Variants in MBP observed in about 807,000 individuals in gnomAD.
The protein encoded by MBP is myelin basic protein, also known as Golli-MBP.
MBP carries 16 observed loss-of-function variants against 35.8 expected under a neutral mutation model. That is an observed-to-expected ratio of 0.45 (90% CI 0.30 to 0.68). The LOEUF (loss-of-function observed/expected upper bound fraction) is 0.68. MBP is among the 30% of genes least tolerant of loss of function. The probability of loss-of-function intolerance (pLI) is 0.08; values close to 1 mark genes in which losing one functional copy is unlikely to be tolerated. For synonymous variants in MBP, 143 were observed against 159.6 expected (o/e 0.90, Z 0.78); for missense variants, 380 against 404.7 (o/e 0.94, Z 0.52).
At position 77,111,801 on chromosome 18, in the gene MBP, A is replaced by C. The variant is rs539486121; in HGVS notation, c.-25-6515T>G. ...TAGAACACGGACAGTGACAGCCTCA[A>C]GTCGGAGGGGCAGGCCCTATAACTC... On this transcript the variant is annotated intron_variant, in intron 1 of 8. Coordinates refer to ENST00000355994, the MANE Select transcript of MBP (RefSeq NM_001025101.2). 2.6e-5 allele frequency among the ~76,000 whole-genome samples: 4 copies of C among 152,364 alleles called. No homozygotes were observed. In the South Asian group the frequency reaches 6.2e-4, roughly 24 times the overall value.
intron 3 of MBP, among the ~76,000 whole-genome samples, chr18:77,034,649 C>T (rs1310702313): frequency 6.6e-6 from 1 of 152,198 alleles, no homozygotes; most frequent in African/African-American, 2.4e-5. Flanking sequence ...ACAGTCCCTG[C>T]CCTCATTTTG....
intron 2 of MBP, among the ~76,000 whole-genome samples, chr18:77,098,168 C>CTT (rs3214873): frequency 0.52 from 56,466 of 108,290 alleles, 17,207 homozygotes; most frequent in South Asian, 0.69. Context: ...CAAGGACTTC[C>CTT]TTTTTTTTTT....
chr18:76,986,833 A>T (rs1969585013), intron 7 of MBP: 1 of 985,358 alleles, frequency 1.0e-6, no homozygotes, highest in African/African-American at 1.7e-5. Context: ...TGACTTTCAG[A>T]TTAACAATCT....
At chr18:77,089,315 T>C (rs1379943411) in intron 2 of MBP, among the ~76,000 whole-genome samples, 3 of 152,238 alleles carry the variant, frequency 2.0e-5, no homozygotes, top group African/African-American at 4.8e-5. Context: ...GCCATTTCCA[T>C]GGCCCCAGGG....
chr18:77,045,002 C>T lies in MBP; in HGVS notation c.139+21296G>A, dbSNP rs73486827. ...GTGTGTGAGTGTTCAAGATTCCCTA[C>T]ATAACGGGATACACACAGATGTACT... On this transcript the variant is annotated intron_variant, in intron 3 of 8. Coordinates refer to ENST00000355994, the MANE Select transcript of MBP (RefSeq NM_001025101.2). Among the ~76,000 whole-genome samples, 903 of 151,446 alleles carry T rather than the reference C, an allele frequency of 6.0e-3. 14 individuals are homozygous for T. Among genetic ancestry groups the T allele is most frequent in the African/African-American group, 0.021 (853 of 41,196 alleles).
intron 1 of MBP, among the ~76,000 whole-genome samples, chr18:77,118,421 C>T (rs940790722): frequency 2.0e-5 from 3 of 151,962 alleles, no homozygotes; most frequent in African/African-American, 7.3e-5. Context: ...TTAGCACAGT[C>T]GGCCATGATC....
At chr18:77,104,291 G>A (rs576573713) in intron 2 of MBP, among the ~76,000 whole-genome samples, 2 of 152,304 alleles carry the variant, frequency 1.3e-5, no homozygotes, top group Non-Finnish European at 2.9e-5. Context: ...AAATGCCCAC[G>A]TCTGCATTGG....
At chr18:77,088,116 C>G (rs1451437025) in intron 2 of MBP, among the ~76,000 whole-genome samples, 1 of 152,188 alleles carries the variant, frequency 6.6e-6, no homozygotes, top group African/African-American at 2.4e-5. Context: ...GCATGGCCAC[C>G]TGGCCTCCGG....
chr18:76,997,882 C>T (rs1374979810), intron 4 of MBP, among the ~76,000 whole-genome samples: 1 of 152,034 alleles, frequency 6.6e-6, no homozygotes, highest in Non-Finnish European at 1.5e-5. Context: ...CGGGGTTTCA[C>T]TGTGTTAGCC....
At position 77,020,064 on chromosome 18, in the gene MBP, T is replaced by C. The variant is rs990953315; in HGVS notation, c.140-2796A>G. On this transcript the variant is annotated intron_variant, in intron 3 of 8. Coordinates refer to ENST00000355994, the MANE Select transcript of MBP (RefSeq NM_001025101.2). The surrounding 1 kb of genome is among the most constrained non-coding windows in gnomAD (Gnocchi z 4.1). ...AGCTATGTGGCGAGAAGACAGGGCT[T>C]GGTTTGGGGAGCAGCGGGGCCTGGG... Among the ~76,000 whole-genome samples, 5 of 151,996 alleles carry C rather than the reference T, an allele frequency of 3.3e-5. No individual in the cohort carries two copies. The highest frequency in any genetic ancestry group is 6.5e-5 in the Admixed American group (1 of 15,270).
At chr18:77,001,849 C>CAA (rs1018161584) in intron 4 of MBP, among the ~76,000 whole-genome samples, 5 of 151,212 alleles carry the variant, frequency 3.3e-5, no homozygotes, top group African/African-American at 9.7e-5. Context: ...GACTTCATCT[C>CAA]AAAAAAAAGA....
intron 2 of MBP, among the ~76,000 whole-genome samples, chr18:77,080,042 T>C (rs1367484027): frequency 5.3e-5 from 8 of 152,222 alleles, no homozygotes; most frequent in Non-Finnish European, 1.5e-5. Context: ...TAAACTGTAT[T>C]TGAAATCCTT....
chr18:77,027,373 A>C (rs897206250), intron 3 of MBP, among the ~76,000 whole-genome samples: 3 of 152,210 alleles, frequency 2.0e-5, no homozygotes, highest in African/African-American at 7.2e-5. Flanking sequence ...ATCTGCCTGC[A>C]CACGCCTGCC....
chr18:77,119,129 G>A (rs1253047974), intron 1 of MBP, among the ~76,000 whole-genome samples: 2 of 152,214 alleles, frequency 1.3e-5, no homozygotes, highest in Non-Finnish European at 2.9e-5. Context: ...GGGCAGCCAT[G>A]GCTTGGAGCT....
At chr18:77,121,317 A>T (rs1599280292) in intron 1 of MBP, among the ~76,000 whole-genome samples, 2 of 142,222 alleles carry the variant, frequency 1.4e-5, no homozygotes, top group South Asian at 4.5e-4. Flanking sequence ...CTCAAAAAAA[A>T]AAAAATAAAT....
chr18:77,036,437 T>C (rs1207057938), intron 3 of MBP, among the ~76,000 whole-genome samples: 9 of 134,342 alleles, frequency 6.7e-5, no homozygotes, highest in Admixed American at 5.7e-4. Context: ...GGTCACATTT[T>C]GGAGGACTGA....
chr18:77,027,851 C>T (rs927234179), intron 3 of MBP, among the ~76,000 whole-genome samples: 36 of 151,988 alleles, frequency 2.4e-4, no homozygotes, highest in African/African-American at 8.2e-4. Context: ...CCATCGCAGC[C>T]AATTTTTAAT....
At chr18:77,051,589 C>G (rs1395083834) in intron 3 of MBP, among the ~76,000 whole-genome samples, 1 of 152,166 alleles carries the variant, frequency 6.6e-6, no homozygotes, top group African/African-American at 2.4e-5. Context: ...GGCTGAAGGA[C>G]CCGATTTTCA....
At chr18:77,132,211 G>T (rs150149681) in intron 1 of MBP, among the ~76,000 whole-genome samples, 1 of 152,042 alleles carries the variant, frequency 6.6e-6, no homozygotes, top group Non-Finnish European at 1.5e-5. Context: ...TGGGACCGCC[G>T]GGCCTGGCTG....
Sources: allele counts gnomAD v4.1 joint callset (sites outside exome capture counted in the v4.1 genomes callset), GRCh38; gene constraint gnomAD v4.1.1; non-coding constraint Gnocchi (gnomAD v3.1); transcripts MANE v1.5; gene names NCBI Gene and HGNC (gene_info 2026-07-23, HGNC 2026-07-21).